Variants in SECISBP2L observed in about 807,000 individuals in gnomAD.
The protein encoded by SECISBP2L is selenocysteine insertion sequence-binding protein 2-like.
A neutral mutation model predicts 114.7 loss-of-function variants in SECISBP2L; 43 were observed. The observed-to-expected ratio is 0.38, with a 90% CI of 0.29 to 0.48. SECISBP2L has a LOEUF of 0.48. SECISBP2L is among the 20% of genes least tolerant of loss of function. The pLI is 0.98. For missense variants in SECISBP2L, 1,136 were observed against 1,301.1 expected (o/e 0.87, Z 1.95); for synonymous variants, 451 against 439.7 (o/e 1.03, Z -0.32).
intron 1 of SECISBP2L, among the ~76,000 whole-genome samples, chr15:49,039,867 C>T (rs987021476): frequency 1.3e-5 from 2 of 152,136 alleles, no homozygotes; most frequent in African/African-American, 4.8e-5. Flanking sequence ...CATATGAGAA[C>T]TCACTGAGCA....
At chr15:49,037,239 A>G (rs4775798) in intron 2 of SECISBP2L, among the ~76,000 whole-genome samples, 118,706 of 141,578 alleles carry the variant, frequency 0.84, 50,816 homozygotes, top group East Asian at 0.94. Flanking sequence ...ACCAGAGACT[A>G]TCTTGGCAAC....
intron 8 of SECISBP2L, among the ~76,000 whole-genome samples, chr15:49,018,321 A>G (rs1049971089): frequency 4.0e-5 from 6 of 151,554 alleles, no homozygotes; most frequent in Non-Finnish European, 8.8e-5. Context: ...CAATGGCACA[A>G]TCTCGGCTCA....
chr15:49,003,364 T>C (rs1321633031), intron 14 of SECISBP2L, among the ~76,000 whole-genome samples: 2 of 152,224 alleles, frequency 1.3e-5, no homozygotes, highest in East Asian at 3.8e-4. Flanking sequence ...TTTCAAAATA[T>C]ACAATCATGT....
chr15:49,027,564 C>T (rs1473241373), intron 6 of SECISBP2L, 84 bp from the exon 7 acceptor site: 1 of 719,908 alleles, frequency 1.4e-6, no homozygotes, highest in Non-Finnish European at 2.2e-6. Context: ...TACTGAAATT[C>T]AGTCACTAGA....
intron 1 of SECISBP2L, among the ~76,000 whole-genome samples, chr15:49,045,439 A>G (rs1284387283): frequency 6.6e-6 from 1 of 152,234 alleles, no homozygotes; most frequent in Admixed American, 6.5e-5. Context: ...TAGAGAGTGA[A>G]TAAACTTGGA....
chr15:49,027,338 A>T, intron 7 of SECISBP2L, 27 bp downstream of exon 7: 1 of 1,531,562 alleles, frequency 6.5e-7, no homozygotes, highest in Non-Finnish European at 9.0e-7. Flanking sequence ...ATACCTAATC[A>T]ATTTTCTCCA....
At chr15:49,023,606 C>T (rs1902685217) in intron 7 of SECISBP2L, among the ~76,000 whole-genome samples, 1 of 152,184 alleles carries the variant, frequency 6.6e-6, no homozygotes, top group African/African-American at 2.4e-5. Flanking sequence ...ATAACAGCAA[C>T]AGTTTGCAAA....
chr15:49,020,078 G>A (rs2141074154), intron 7 of SECISBP2L, among the ~76,000 whole-genome samples: 1 of 152,354 alleles, frequency 6.6e-6, no homozygotes, highest in South Asian at 2.1e-4. Context: ...GTGTGGCTAT[G>A]AAAGCCAACA....
In SECISBP2L at chr15:48,992,225, A is replaced by C. The variant is rs1383101526; in HGVS notation, c.*19T>G. 1.3e-6 allele frequency: 2 copies of C among 1,576,422 alleles called. No individual in the cohort carries two copies. The highest frequency in any genetic ancestry group is 1.7e-6 in the Non-Finnish European group (2 of 1,160,688). On this transcript the variant is annotated 3_prime_UTR_variant, in exon 18 of 18. Transcript: ENST00000559471. ...GCAACCCTTCCACAGCTGGAGATAG[A>C]GAGCCGACATTTCCTGAGTTACGTA...
intron 16 of SECISBP2L, among the ~76,000 whole-genome samples, chr15:48,997,543 C>T (rs1018705936): frequency 1.3e-5 from 2 of 152,122 alleles, no homozygotes; most frequent in South Asian, 2.1e-4. Context: ...AAATAGTTTC[C>T]GTGAAGTGGT....
chr15:49,041,168 T>C (rs569324886), intron 1 of SECISBP2L, among the ~76,000 whole-genome samples: 2 of 152,356 alleles, frequency 1.3e-5, no homozygotes, highest in Non-Finnish European at 2.9e-5. Context: ...CATTCTTGTA[T>C]TATTTGCTTC....
intron 4 of SECISBP2L, among the ~76,000 whole-genome samples, chr15:49,032,540 C>A (rs1365013600): frequency 1.3e-5 from 2 of 152,054 alleles, no homozygotes; most frequent in African/African-American, 4.8e-5. Context: ...CAGATCTATG[C>A]TAAAATATGG....
At chr15:49,031,777 T>G (rs1902893829) in intron 4 of SECISBP2L, among the ~76,000 whole-genome samples, 1 of 152,192 alleles carries the variant, frequency 6.6e-6, no homozygotes, top group South Asian at 2.1e-4. Context: ...ATTTTCTAAT[T>G]CCTGTGCCTT....
chr15:49,023,483 C>T (rs184196438), intron 7 of SECISBP2L, among the ~76,000 whole-genome samples: 72 of 152,296 alleles, frequency 4.7e-4, no homozygotes, highest in African/African-American at 1.7e-3. Flanking sequence ...CAAACTGATA[C>T]AATCTGGTGA....
intron 14 of SECISBP2L, among the ~76,000 whole-genome samples, chr15:49,002,247 C>T (rs1336216415): frequency 3.3e-5 from 5 of 152,190 alleles, no homozygotes; most frequent in African/African-American, 7.2e-5. Context: ...ACCGCATAAA[C>T]GTCTTCTTTT....
intron 1 of SECISBP2L, chr15:49,042,661 T>C (rs2141089854): frequency 6.6e-6 from 1 of 152,324 alleles, no homozygotes; most frequent in South Asian, 2.1e-4. Context: ...GTTTTTCATA[T>C]GTGGTATTTT....
intron 16 of SECISBP2L, among the ~76,000 whole-genome samples, chr15:48,997,418 T>C (rs1256530213): frequency 6.6e-6 from 1 of 152,158 alleles, no homozygotes; most frequent in Non-Finnish European, 1.5e-5. Flanking sequence ...TAACACAAGA[T>C]AGAAAAGCAT....
In SECISBP2L at chr15:49,017,548, T is replaced by C; in HGVS notation, c.1251A>G (p.Val417=). ...CTTTTCTTTTTAAAGAGTTACTTACTACTTTAGAAGAAAGTTTTTGTTGAA... is the reference window on the plus strand; with the variant it reads ...CTTTTCTTTTTAAAGAGTTACTTACCACTTTAGAAGAAAGTTTTTGTTGAA... ...ENIQQKLSSK[V]LDDLPENSPI... is the part of the protein sequence containing the mutation. Residue 417 remains valine (V), a splice_region_variant and synonymous_variant, in exon 9 of 18, where the codon GTA becomes GTG. Transcript: ENST00000559471. The C allele has an allele frequency of 6.3e-7, 1 of 1,577,516 alleles. No individual in the cohort carries two copies. Among genetic ancestry groups the C allele is most frequent in the Admixed American group, 1.7e-5 (1 of 57,850 alleles).
chr15:49,009,103 G>T, intron 14 of SECISBP2L, 113 bp downstream of exon 14: 1 of 1,153,722 alleles, frequency 8.7e-7, no homozygotes, highest in Non-Finnish European at 1.2e-6. Context: ...AGGAGTTAAA[G>T]ATCTCTGGTC....
Sources: gnomAD v4.1 joint callset for allele counts (sites outside exome capture counted in the v4.1 genomes callset) on GRCh38, gnomAD v4.1.1 for gene constraint, MANE v1.5 for transcripts, NCBI Gene and HGNC (gene_info 2026-07-23, HGNC 2026-07-21) for gene names.